TMEM38B: variants seen among roughly 807,000 people sequenced by gnomAD.
TMEM38B encodes trimeric intracellular cation channel type B.
A neutral mutation model predicts 28.7 loss-of-function variants in TMEM38B; 24 were observed. The observed-to-expected ratio is 0.84, with a 90% CI of 0.61 to 1.18. TMEM38B has a LOEUF of 1.18. Among genes scored for constraint, TMEM38B ranks in the 50% most tolerant of loss-of-function variants. The pLI is 0.00. For missense variants in TMEM38B, 380 were observed against 350.9 expected (o/e 1.08, Z -0.66); for synonymous variants, 131 against 127.7 (o/e 1.03, Z -0.17).
chr9:105,720,033 A>C (rs1836264803), intron 2 of TMEM38B, among the ~76,000 whole-genome samples: 1 of 152,112 alleles, frequency 6.6e-6, no homozygotes, highest in Non-Finnish European at 1.5e-5. Flanking sequence ...TGAATGTGTA[A>C]AAATTTTAAA....
intron 5 of TMEM38B, among the ~76,000 whole-genome samples, chr9:105,768,751 C>CT (rs1375039734): frequency 6.6e-6 from 1 of 152,142 alleles, no homozygotes. Flanking sequence ...AATGTCTCCA[C>CT]TTTCATTCCT....
At chr9:105,695,022 C>G (rs1835236469) in intron 1 of TMEM38B, among the ~76,000 whole-genome samples, 1 of 152,200 alleles carries the variant, frequency 6.6e-6, no homozygotes, top group Non-Finnish European at 1.5e-5. Flanking sequence ...TCCGCGAGGC[C>G]GTAGCCTGGG....
Position 105,774,293 on chromosome 9 carries a change from G to T in TMEM38B, c.*213G>T. On this transcript the variant is annotated 3_prime_UTR_variant, in exon 6 of 6. Coordinates refer to ENST00000374692, the MANE Select transcript of TMEM38B (RefSeq NM_018112.3). ...GTGTATCATGTGATTATGCTTTACC[G>T]GTATAAGAGATTCTGTTGTGATTAT... 1 of 421,842 alleles carries T rather than the reference G, an allele frequency of 2.4e-6. No individual in the cohort carries two copies. The highest frequency in any genetic ancestry group is 3.6e-5 in the East Asian group (1 of 27,452). 26.1% of individuals were successfully genotyped at this position (421,842 alleles called of 1,614,324 possible).
chr9:105,704,124 C>G (rs1835558473), intron 1 of TMEM38B, among the ~76,000 whole-genome samples: 1 of 151,938 alleles, frequency 6.6e-6, no homozygotes, highest in African/African-American at 2.4e-5. Context: ...GGCGATATAC[C>G]TAATGCTAGA....
intron 5 of TMEM38B, among the ~76,000 whole-genome samples, chr9:105,750,000 C>T (rs770102916): frequency 2.7e-4 from 41 of 152,152 alleles, no homozygotes; most frequent in Non-Finnish European, 5.3e-4. Flanking sequence ...GTGAGATTTC[C>T]AATTTCACCA....
At chr9:105,772,869 T>G (rs1005336815) in intron 5 of TMEM38B, among the ~76,000 whole-genome samples, 2 of 152,176 alleles carry the variant, frequency 1.3e-5, no homozygotes, top group Non-Finnish European at 2.9e-5. Flanking sequence ...TTTTCTATTC[T>G]AAATATTGCA....
chr9:105,749,097 G>T, intron 5 of TMEM38B: 3 of 1,303,748 alleles, frequency 2.3e-6, no homozygotes, highest in Non-Finnish European at 3.0e-6. Flanking sequence ...GAGATGATCT[G>T]TGGCTGTAAT....
chr9:105,729,175 C>T (rs1368618201), intron 4 of TMEM38B, among the ~76,000 whole-genome samples: 2 of 152,068 alleles, frequency 1.3e-5, no homozygotes, highest in Non-Finnish European at 2.9e-5. Flanking sequence ...TCCTGAATGG[C>T]ATTGCCTAGG....
intron 5 of TMEM38B, among the ~76,000 whole-genome samples, chr9:105,761,278 T>C (rs191624056): frequency 6.6e-6 from 1 of 152,266 alleles, no homozygotes; most frequent in Admixed American, 6.5e-5. Flanking sequence ...TTTATATATA[T>C]GTATGTGTTT....
At chr9:105,703,436 C>G (rs1247960640) in intron 1 of TMEM38B, among the ~76,000 whole-genome samples, 3 of 152,196 alleles carry the variant, frequency 2.0e-5, no homozygotes, top group Admixed American at 6.5e-5. Context: ...TTTTCTTAAT[C>G]CAGTCTGTCA....
At chr9:105,748,791 G>A (rs558320351) in intron 5 of TMEM38B, among the ~76,000 whole-genome samples, 1 of 152,124 alleles carries the variant, frequency 6.6e-6, no homozygotes, top group Non-Finnish European at 1.5e-5. Context: ...TTCTGTCACT[G>A]TATCTCATGT....
In TMEM38B at chr9:105,694,600, C is replaced by A; in HGVS notation, c.-61C>A. On this transcript the variant is annotated 5_prime_UTR_variant, in exon 1 of 6. Coordinates refer to ENST00000374692, the MANE Select transcript of TMEM38B (RefSeq NM_018112.3). ...CGGCTGTGCCCTCTCCTACTCCTCA[C>A]CGCGCGAGCGCGGGGAACCAGTAGC... 2 of 1,458,350 alleles carry A rather than the reference C, an allele frequency of 1.4e-6. No homozygotes were observed. The highest frequency in any genetic ancestry group is 9.6e-7 in the Non-Finnish European group (1 of 1,042,144). The allele number at this position is 1,458,350 out of a possible 1,614,324, so 90.3% of individuals were successfully genotyped here.
intron 1 of TMEM38B, among the ~76,000 whole-genome samples, chr9:105,696,588 G>A (rs1835297530): frequency 6.6e-6 from 1 of 152,212 alleles, no homozygotes; most frequent in Admixed American, 6.5e-5. Context: ...TAGTGGACAG[G>A]TCTATGCAGT....
At chr9:105,728,537 C>T (rs531821116) in intron 4 of TMEM38B, among the ~76,000 whole-genome samples, 164 of 152,134 alleles carry the variant, frequency 1.1e-3, no homozygotes, top group Non-Finnish European at 2.0e-3. Flanking sequence ...TGAATAGTGC[C>T]GCAGTAAACA....
chr9:105,725,588 G>A (rs796704171), intron 4 of TMEM38B, among the ~76,000 whole-genome samples: 58 of 152,132 alleles, frequency 3.8e-4, no homozygotes, highest in African/African-American at 1.3e-3. Flanking sequence ...ACACACCTAG[G>A]CTATATGGTA....
intron 4 of TMEM38B, among the ~76,000 whole-genome samples, chr9:105,739,846 T>A (rs1312659682): frequency 6.6e-6 from 1 of 151,982 alleles, no homozygotes; most frequent in Non-Finnish European, 1.5e-5. Context: ...TTCCAATGTA[T>A]GAACATGGGA....
intron 2 of TMEM38B, among the ~76,000 whole-genome samples, chr9:105,711,130 A>G (rs970965635): frequency 2.0e-5 from 3 of 152,238 alleles, no homozygotes; most frequent in African/African-American, 7.2e-5. Flanking sequence ...TTGTCACTTA[A>G]ATAAATCTTT....
intron 4 of TMEM38B, among the ~76,000 whole-genome samples, chr9:105,747,572 C>G (rs1346700822): frequency 3.3e-5 from 5 of 152,084 alleles, no homozygotes; most frequent in Non-Finnish European, 5.9e-5. Context: ...GTGTCTCTAT[C>G]TCCTTCAGTT....
chr9:105,754,155 C>T (rs1234641222), intron 5 of TMEM38B, among the ~76,000 whole-genome samples: 1 of 152,162 alleles, frequency 6.6e-6, no homozygotes, highest in Non-Finnish European at 1.5e-5. Context: ...CCTTAGAGAT[C>T]TACAAAGGGA....
Sources: gnomAD v4.1 joint callset for allele counts (sites outside exome capture counted in the v4.1 genomes callset) on GRCh38, gnomAD v4.1.1 for gene constraint, MANE v1.5 for transcripts, NCBI Gene and HGNC (gene_info 2026-07-23, HGNC 2026-07-21) for gene names.